The following HYDIN variants were observed in gnomAD, a reference collection of about 807,000 sequenced individuals.
HYDIN encodes axonemal central pair apparatus protein HYDIN.
HYDIN carries 132 observed loss-of-function variants against 403.9 expected under a neutral mutation model. The ratio of observed to expected loss-of-function variants is 0.33; its 90% CI spans 0.28 to 0.38. HYDIN has a LOEUF of 0.38. Among genes scored for constraint, HYDIN ranks in the 10% least tolerant of loss-of-function variants. HYDIN has a pLI of 1.00. For missense variants in HYDIN, 2,827 were observed against 5,009.5 expected (o/e 0.56, Z 13.15); for synonymous variants, 1,202 against 1,891.7 (o/e 0.64, Z 9.46).
chr16:70,933,736 G>T (rs2077419580), intron 45 of HYDIN: 2 of 154,880 alleles, frequency 1.3e-5, no homozygotes, highest in African/African-American at 4.8e-5. Context: ...GCTATTAGTT[G>T]TTAAAACATT....
chr16:70,929,841 C>T (rs569047091), intron 45 of HYDIN, among the ~76,000 whole-genome samples: 464 of 146,374 alleles, frequency 3.2e-3, no homozygotes, highest in African/African-American at 0.011. Flanking sequence ...CCAGAACTTT[C>T]GGGGGCTCTC....
intron 7 of HYDIN, among the ~76,000 whole-genome samples, chr16:71,151,079 G>A (rs1177423466): frequency 6.6e-6 from 1 of 152,140 alleles, no homozygotes; most frequent in Admixed American, 6.5e-5. Context: ...GAACTCTCAT[G>A]CCTTGCTGGT....
At chr16:70,996,741 C>T (rs1257376626) in intron 23 of HYDIN, among the ~76,000 whole-genome samples, 1 of 150,006 alleles carries the variant, frequency 6.7e-6, no homozygotes, top group Admixed American at 6.7e-5. Context: ...TCTAACTATG[C>T]CTGGGAGAAA....
intron 1 of HYDIN, among the ~76,000 whole-genome samples, chr16:71,226,762 A>G (rs1173587606): frequency 4.6e-5 from 7 of 152,176 alleles, no homozygotes; most frequent in Non-Finnish European, 4.4e-5. Context: ...CGGGCCTCCC[A>G]GAGAGTATAA....
Position 70,868,660 on chromosome 16 carries a change from G to C in HYDIN, c.11220C>G (p.Asp3740Glu), listed in dbSNP as rs1167750432. 1.2e-6 allele frequency: 2 copies of C among 1,614,050 alleles called. No homozygotes were observed. Among genetic ancestry groups the C allele is most frequent in the Non-Finnish European group, 1.7e-6 (2 of 1,180,038 alleles). Residue 3740 changes from aspartate (D) to glutamate (E), a missense_variant, in exon 66 of 86, where the codon GAC (aspartate) becomes GAG (glutamate). Coordinates refer to ENST00000393567, the MANE Select transcript of HYDIN (RefSeq NM_001270974.2). ...TGCGGTCATCCCAGTCGGGGACCTG[G>C]TCTGCAGGGAGCTGAAACATAATCC... ...LSRIMFQLPA[D>E]QVPDWDDRMH...
chr16:70,924,595 T>G (rs552569706), intron 45 of HYDIN, among the ~76,000 whole-genome samples: 1 of 1,306 alleles, frequency 7.7e-4, no homozygotes, highest in African/African-American at 4.0e-3. Context: ...GGCCTTTGGG[T>G]TAGGTCTCCG....
intron 8 of HYDIN, among the ~76,000 whole-genome samples, chr16:71,136,779 AAC>A (rs2084940491): frequency 6.6e-6 from 1 of 150,834 alleles, no homozygotes; most frequent in Non-Finnish European, 1.5e-5. Flanking sequence ...AAAAAAAAAA[AAC>A]AAAAAAAACA....
intron 11 of HYDIN, 33 bp downstream of exon 11, chr16:71,093,784 T>A: frequency 6.2e-7 from 1 of 1,605,078 alleles, no homozygotes; most frequent in Non-Finnish European, 8.5e-7. Context: ...CCAAGTACTG[T>A]TTGAAGTATC....
intron 5 of HYDIN, among the ~76,000 whole-genome samples, chr16:71,166,096 C>A (rs1039969046): frequency 1.4e-5 from 2 of 147,424 alleles, no homozygotes; most frequent in African/African-American, 2.6e-5. Context: ...CTGCTATAGT[C>A]CAGGCATGAG....
chr16:70,838,820 A>G (rs1249706421), intron 76 of HYDIN, among the ~76,000 whole-genome samples: 1 of 144,966 alleles, frequency 6.9e-6, no homozygotes, highest in Non-Finnish European at 1.5e-5. Flanking sequence ...TATTCCATAA[A>G]GTGAGCTATT....
At chr16:71,031,506 T>C (rs1476776469) in intron 19 of HYDIN, 173 bp downstream of exon 19, 3 of 1,312,122 alleles carry the variant, frequency 2.3e-6, no homozygotes, top group Admixed American at 3.3e-5. Context: ...GGCTAGAAAA[T>C]GTCTTCTTGT....
chr16:71,050,435 A>G (rs9922410), intron 18 of HYDIN, among the ~76,000 whole-genome samples: 5,434 of 146,998 alleles, frequency 0.037, 241 homozygotes, highest in African/African-American at 0.12. Context: ...ACCACAAAAA[A>G]GCACAGAAAT....
At chr16:70,943,080 GAACACAAAGCA>G (rs971415525) in intron 42 of HYDIN, among the ~76,000 whole-genome samples, 3 of 152,296 alleles carry the variant, frequency 2.0e-5, no homozygotes, top group Admixed American at 2.0e-4. Flanking sequence ...CCCTAGTTGA[GAACACAAAGCA>G]AACACCCAGC....
rs1207713723 is a variant in HYDIN at position 70,921,057 on chromosome 16, T to C, written c.7319A>G (p.Asp2440Gly). The change falls in exon 46 of 86, where the codon GAC becomes GGC. Residue 2440 changes from aspartate (D) to glycine (G), a missense_variant. By Grantham distance (94) the Asp-to-Gly change is moderately conservative. Coordinates refer to ENST00000393567, the MANE Select transcript of HYDIN (RefSeq NM_001270974.2). ...HGLPLVQDQEDSEGDNSKDPD... is the reference protein window; with the variant it reads ...HGLPLVQDQEGSEGDNSKDPD... ...GTCCTTTGAGTTGTCCCCTTCACTG[T>C]CCTCTTGGTCCTGGACAAGAGGAAG... 1 of 1,610,954 alleles carries C rather than the reference T, an allele frequency of 6.2e-7. No individual in the cohort carries two copies. Among genetic ancestry groups the C allele is most frequent in the Admixed American group, 1.7e-5 (1 of 59,914 alleles).
chr16:71,105,288 A>G lies in HYDIN; in HGVS notation c.1327+10408T>C, dbSNP rs558751576. Reference sequence around the variant, plus strand: ...AGAAATGTGCAGAGACATTTAAGAGACATGGTAATTCCACAGGAAACACAT... The same window carrying G: ...AGAAATGTGCAGAGACATTTAAGAGGCATGGTAATTCCACAGGAAACACAT... On this transcript the variant is annotated intron_variant, in intron 10 of 85. Transcript: ENST00000393567. Among the ~76,000 whole-genome samples, 89 of 152,148 alleles carry G rather than the reference A, an allele frequency of 5.8e-4. 1 individual carries two copies. The highest frequency in any genetic ancestry group is 2.1e-3 in the African/African-American group (87 of 41,552).
chr16:70,966,010 G>A (rs556034187), intron 36 of HYDIN, among the ~76,000 whole-genome samples: 2 of 152,278 alleles, frequency 1.3e-5, no homozygotes, highest in East Asian at 3.9e-4. Flanking sequence ...GAGAATCTGT[G>A]GGCAAAGGAG....
intron 84 of HYDIN, among the ~76,000 whole-genome samples, chr16:70,812,453 A>G (rs1406369310): frequency 1.3e-5 from 2 of 152,166 alleles, no homozygotes; most frequent in African/African-American, 4.8e-5. Context: ...ACACCACTGC[A>G]TTTCAGCCTG....
chr16:70,821,439 T>C (rs1339370189), intron 83 of HYDIN, among the ~76,000 whole-genome samples: 2 of 151,916 alleles, frequency 1.3e-5, no homozygotes, highest in African/African-American at 4.8e-5. Context: ...TCACTCTCAG[T>C]TTTAAAGGAC....
intron 23 of HYDIN, among the ~76,000 whole-genome samples, chr16:71,005,759 AAAG>A (rs1257874300): frequency 6.7e-6 from 1 of 148,980 alleles, no homozygotes; most frequent in Non-Finnish European, 1.5e-5. Context: ...GAAGAAGGAG[AAAG>A]AAGGACTCCT....
Sources: gnomAD v4.1 joint callset for allele counts (sites outside exome capture counted in the v4.1 genomes callset) on GRCh38, gnomAD v4.1.1 for gene constraint, MANE v1.5 for transcripts, NCBI Gene and HGNC (gene_info 2026-07-23, HGNC 2026-07-21) for gene names.